THSD7B: variants seen among roughly 807,000 people sequenced by gnomAD.
THSD7B encodes thrombospondin type-1 domain-containing protein 7B.
In THSD7B, 138 loss-of-function variants were observed where a neutral mutation model predicts 213.6. The observed-to-expected ratio is 0.65, with a 90% CI of 0.56 to 0.74. The LOEUF is 0.74. Among genes scored for constraint, THSD7B ranks in the 30% least tolerant of loss-of-function variants. The pLI, the probability that THSD7B is intolerant of heterozygous loss-of-function variation, is 0.00. For missense variants in THSD7B, 1,931 were observed against 1,991.5 expected (o/e 0.97, Z 0.58); for synonymous variants, 742 against 687.0 (o/e 1.08, Z -1.25).
At chr2:136,809,231 C>T (rs540881879) in intron 1 of THSD7B, among the ~76,000 whole-genome samples, 20 of 152,170 alleles carry the variant, frequency 1.3e-4, no homozygotes, top group Non-Finnish European at 2.5e-4. Context: ...GTCGTCAGGG[C>T]CCCCTTAGAA....
rs1425717253 is a variant in THSD7B at position 136,912,209 on chromosome 2, C to T, written c.139+29892C>T. On this transcript the variant is annotated intron_variant, in intron 2 of 27. Transcript: ENST00000409968. The stretch of plus-strand genomic sequence containing the variant: ...TGCTGGTGGGCGCCCATAATCCCAG[C>T]TAGTCATGAGGCTGAGGCAGGGAAA... Among the ~76,000 whole-genome samples the T allele has an allele frequency of 4.6e-5, 7 of 150,914 alleles. No homozygotes were observed. The Admixed American group carries it at 4.6e-4, about 10-fold the overall frequency.
At chr2:137,394,367 T>G (rs200156856) in intron 12 of THSD7B, among the ~76,000 whole-genome samples, 128,372 of 129,886 alleles carry the variant, frequency 0.99, 63,683 homozygotes, top group East Asian at 1. Context: ...TCCAGTTTCA[T>G]CTTTCTACAT....
At chr2:137,336,142 A>C (rs1407751053) in intron 12 of THSD7B, among the ~76,000 whole-genome samples, 1 of 152,156 alleles carries the variant, frequency 6.6e-6, no homozygotes, top group South Asian at 2.1e-4. Context: ...AGAAACAGTT[A>C]ATTATGAGGA....
intron 15 of THSD7B, among the ~76,000 whole-genome samples, chr2:137,496,322 A>T (rs1284732242): frequency 6.6e-6 from 1 of 152,114 alleles, no homozygotes; most frequent in Non-Finnish European, 1.5e-5. Flanking sequence ...CCTTCTGATG[A>T]CCAGATTAAT....
In THSD7B at chr2:137,009,073, A is replaced by G. The variant is rs145660420; in HGVS notation, c.140-47347A>G. On this transcript the variant is annotated intron_variant, in intron 2 of 27. Coordinates refer to ENST00000409968, the MANE Select transcript of THSD7B (RefSeq NM_001316349.2). The stretch of plus-strand genomic sequence containing the variant: ...TTCACTAACTCTTTGAGGCTATGTG[A>G]TCTCTGGCAGCAATGCTTAAAACAT... 8.3e-4 allele frequency among the ~76,000 whole-genome samples: 127 copies of G among 152,296 alleles called. 2 individuals carry two copies. The highest frequency in any genetic ancestry group is 3.0e-3 in the African/African-American group (126 of 41,566).
At chr2:137,555,633 G>T (rs1478617405) in intron 15 of THSD7B, among the ~76,000 whole-genome samples, 8 of 151,832 alleles carry the variant, frequency 5.3e-5, no homozygotes, top group African/African-American at 1.9e-4. Flanking sequence ...AAAATCAGAG[G>T]GCCTCTCTTC....
intron 15 of THSD7B, among the ~76,000 whole-genome samples, chr2:137,553,291 A>AT (rs1325355860): frequency 2.6e-5 from 4 of 151,952 alleles, no homozygotes; most frequent in African/African-American, 9.7e-5. Context: ...TAAATTTTCT[A>AT]TTTTTTTAAT....
intron 2 of THSD7B, among the ~76,000 whole-genome samples, chr2:136,962,403 C>CTTTTT (rs71400559): frequency 0.087 from 8,716 of 100,040 alleles, 1,179 homozygotes; most frequent in Non-Finnish European, 0.13. Context: ...AATCTGTTAT[C>CTTTTT]TTTTTTTTTT....
chr2:136,807,395 T>C (rs1428073229), intron 1 of THSD7B, among the ~76,000 whole-genome samples: 1 of 152,188 alleles, frequency 6.6e-6, no homozygotes, highest in African/African-American at 2.4e-5. Flanking sequence ...TTGCAGACAT[T>C]ATTCCATCTT....
chr2:137,399,038 G>T (rs1326326841), intron 12 of THSD7B, among the ~76,000 whole-genome samples: 1 of 151,918 alleles, frequency 6.6e-6, no homozygotes, highest in African/African-American at 2.4e-5. Context: ...CACGGTGCGC[G>T]CACCCACTGA....
chr2:137,206,932 G>A (rs1680996173), intron 7 of THSD7B, among the ~76,000 whole-genome samples: 1 of 152,078 alleles, frequency 6.6e-6, no homozygotes, highest in African/African-American at 2.4e-5. Flanking sequence ...ATTAAAGCAG[G>A]AATGTATATC....
intron 7 of THSD7B, among the ~76,000 whole-genome samples, chr2:137,222,616 T>C (rs1314675588): frequency 6.6e-6 from 1 of 152,206 alleles, no homozygotes; most frequent in Non-Finnish European, 1.5e-5. Context: ...TGTTGATTTC[T>C]GAGGCATGCA....
intron 20 of THSD7B, among the ~76,000 whole-genome samples, chr2:137,630,905 G>A (rs79177108): frequency 0.017 from 2,560 of 152,226 alleles, 75 homozygotes; most frequent in African/African-American, 0.058. Context: ...AAAAACAAAA[G>A]TTCGCACAAT....
At chr2:137,325,315 G>A (rs940018820) in intron 12 of THSD7B, among the ~76,000 whole-genome samples, 5 of 152,274 alleles carry the variant, frequency 3.3e-5, no homozygotes, top group African/African-American at 9.6e-5. Flanking sequence ...TTCAGCCATG[G>A]CTTTTTAAAT....
At chr2:137,131,080 G>A (rs1206929979) in intron 5 of THSD7B, among the ~76,000 whole-genome samples, 1 of 128,938 alleles carries the variant, frequency 7.8e-6, no homozygotes. Context: ...TCTAACTGAT[G>A]TGAGATGGTA....
intron 2 of THSD7B, among the ~76,000 whole-genome samples, chr2:137,024,318 G>C (rs904323010): frequency 2.6e-5 from 4 of 152,082 alleles, no homozygotes; most frequent in Non-Finnish European, 5.9e-5. Flanking sequence ...AGTGTGAGCT[G>C]GAATTTGCTC....
chr2:137,666,299 A>G (rs1683445141), intron 26 of THSD7B, among the ~76,000 whole-genome samples: 1 of 152,030 alleles, frequency 6.6e-6, no homozygotes, highest in South Asian at 2.1e-4. Context: ...TGATCAATGT[A>G]AAAACTCAGA....
chr2:136,925,336 G>A lies in THSD7B; in HGVS notation c.139+43019G>A, dbSNP rs943706914. On this transcript the variant is annotated intron_variant, in intron 2 of 27. Transcript: ENST00000409968. ...TTATCTGCGACTTTTATTATGTTGA[G>A]GCATTTACACTATATTCCTAGTTTG... is the stretch of plus-strand genomic sequence containing the variant. Among the ~76,000 whole-genome samples, 11 of 152,172 alleles carry A rather than the reference G, an allele frequency of 7.2e-5. 1 individual carries two copies. The South Asian group carries it at 2.3e-3, about 32-fold the overall frequency.
At chr2:137,485,948 G>A (rs1688430506) in intron 15 of THSD7B, among the ~76,000 whole-genome samples, 1 of 152,092 alleles carries the variant, frequency 6.6e-6, no homozygotes, top group South Asian at 2.1e-4. Context: ...CAAATGCTGA[G>A]AGATTTTGTC....
Sources: gnomAD v4.1 joint callset for allele counts (sites outside exome capture counted in the v4.1 genomes callset) on GRCh38, gnomAD v4.1.1 for gene constraint, MANE v1.5 for transcripts, NCBI Gene and HGNC (gene_info 2026-07-23, HGNC 2026-07-21) for gene names.